The following FSTL5 variants were observed in gnomAD, a reference collection of about 807,000 sequenced individuals.
FSTL5 encodes the protein follistatin like 5.
In FSTL5, 62 loss-of-function variants were observed where a neutral mutation model predicts 89.1. The observed-to-expected ratio is 0.70, with a 90% confidence interval of 0.57 to 0.86. The LOEUF is 0.86. FSTL5 is among the 40% of genes least tolerant of loss of function. FSTL5 has a pLI of 0.00. For missense variants in FSTL5, 1,057 were observed against 1,001.6 expected (o/e 1.06, Z -0.75); for synonymous variants, 383 against 346.2 (o/e 1.11, Z -1.18).
chr4:161,501,578 T>A (rs1305045574), intron 11 of FSTL5, among the ~76,000 whole-genome samples: 1 of 152,056 alleles, frequency 6.6e-6, no homozygotes, highest in Non-Finnish European at 1.5e-5. Context: ...GTTTGATACA[T>A]CTTATTATTT....
chr4:161,999,586 G>C (rs557594046), intron 3 of FSTL5, among the ~76,000 whole-genome samples: 1 of 152,240 alleles, frequency 6.6e-6, no homozygotes, highest in East Asian at 1.9e-4. Flanking sequence ...AGCAAATATA[G>C]TGTCTATAAA....
intron 15 of FSTL5, among the ~76,000 whole-genome samples, chr4:161,401,064 T>C (rs1287933745): frequency 6.6e-6 from 1 of 152,164 alleles, no homozygotes; most frequent in East Asian, 1.9e-4. Flanking sequence ...ATTTAGTGAC[T>C]GAACTTTAGA....
rs75741564 is a variant in FSTL5, at chr4:161,570,444, G to C, written c.1015+17011C>G. On this transcript the variant is annotated intron_variant, in intron 8 of 15. Coordinates refer to ENST00000306100, the MANE Select transcript of FSTL5 (RefSeq NM_020116.5). Reference sequence around the variant, plus strand: ...TACACTTTCTTTTCTGAAAAGGAAAGAGAAATAGGGTAGGAAGATACCACA... The same window carrying C: ...TACACTTTCTTTTCTGAAAAGGAAACAGAAATAGGGTAGGAAGATACCACA... Among the ~76,000 whole-genome samples the C allele has an allele frequency of 4.1e-3, 625 of 152,230 alleles. 5 individuals are homozygous for C. Among genetic ancestry groups the C allele is most frequent in the East Asian group, 0.04 (209 of 5,168 alleles).
chr4:161,645,988 C>T (rs1175411541), intron 7 of FSTL5, among the ~76,000 whole-genome samples: 1 of 151,492 alleles, frequency 6.6e-6, no homozygotes, highest in Non-Finnish European at 1.5e-5. Flanking sequence ...TTTTAAATAT[C>T]TGAGTTTGAT....
intron 6 of FSTL5, among the ~76,000 whole-genome samples, chr4:161,733,976 A>G (rs1490268659): frequency 2.0e-5 from 3 of 151,932 alleles, no homozygotes; most frequent in Non-Finnish European, 4.4e-5. Flanking sequence ...GATATACAGA[A>G]TTTTTTTCTT....
intron 4 of FSTL5, among the ~76,000 whole-genome samples, chr4:161,850,066 T>G (rs2126879835): frequency 6.6e-6 from 1 of 152,306 alleles, no homozygotes; most frequent in African/African-American, 2.4e-5. Context: ...GGTACAGTAT[T>G]TATACCCTTT....
At chr4:161,608,363 A>G (rs1046688629) in intron 7 of FSTL5, among the ~76,000 whole-genome samples, 7 of 152,108 alleles carry the variant, frequency 4.6e-5, no homozygotes, top group Non-Finnish European at 7.4e-5. Flanking sequence ...AATGGTCAAC[A>G]TGTTTTCTTT....
chr4:161,932,762 C>A (rs141346161), intron 3 of FSTL5, among the ~76,000 whole-genome samples: 1 of 151,976 alleles, frequency 6.6e-6, no homozygotes, highest in African/African-American at 2.4e-5. Context: ...AATCTTCACT[C>A]ATTCATAAAA....
intron 15 of FSTL5, among the ~76,000 whole-genome samples, chr4:161,439,733 C>CA (rs397804194): frequency 4.7e-5 from 7 of 148,878 alleles, no homozygotes; most frequent in African/African-American, 1.8e-4. Flanking sequence ...CACACACACA[C>CA]CCCACACGCA....
intron 3 of FSTL5, among the ~76,000 whole-genome samples, chr4:162,020,553 A>T (rs1307566834): frequency 6.6e-6 from 1 of 151,994 alleles, no homozygotes; most frequent in Non-Finnish European, 1.5e-5. Flanking sequence ...CTATTGTTTG[A>T]CTCTCAATTA....
intron 3 of FSTL5, among the ~76,000 whole-genome samples, chr4:161,923,886 G>T (rs576670837): frequency 3.2e-4 from 48 of 151,866 alleles, no homozygotes; most frequent in African/African-American, 1.1e-3. Flanking sequence ...GCTGTGTGTT[G>T]CATGTAGCTG....
intron 3 of FSTL5, among the ~76,000 whole-genome samples, chr4:161,996,656 T>C (rs1435556750): frequency 6.6e-6 from 1 of 152,248 alleles, no homozygotes; most frequent in Non-Finnish European, 1.5e-5. Context: ...TGCCTTCAGT[T>C]GTGTCACATT....
chr4:161,766,558 T>C (rs986366090), intron 5 of FSTL5, among the ~76,000 whole-genome samples: 1 of 152,202 alleles, frequency 6.6e-6, no homozygotes, highest in Admixed American at 6.5e-5. Flanking sequence ...CCCATGATTC[T>C]CCAACCTAAA....
intron 5 of FSTL5, among the ~76,000 whole-genome samples, chr4:161,770,858 GC>G: frequency 6.6e-6 from 1 of 151,976 alleles, no homozygotes; most frequent in Admixed American, 6.6e-5. Flanking sequence ...GGGGGATACA[GC>G]CCAATATTAC....
chr4:161,831,044 T>G (rs1730827993), intron 4 of FSTL5, among the ~76,000 whole-genome samples: 2 of 151,912 alleles, frequency 1.3e-5, no homozygotes, highest in South Asian at 4.1e-4. Context: ...TTCATGTCCT[T>G]CCAGTAAAAA....
intron 3 of FSTL5, among the ~76,000 whole-genome samples, chr4:162,019,113 G>C (rs1736997657): frequency 6.6e-6 from 1 of 152,048 alleles, no homozygotes; most frequent in Non-Finnish European, 1.5e-5. Flanking sequence ...CCCCACATCT[G>C]AAATTTGGTT....
At chr4:162,046,254 TA>T (rs1330415025) in intron 2 of FSTL5, among the ~76,000 whole-genome samples, 2 of 152,272 alleles carry the variant, frequency 1.3e-5, no homozygotes, top group East Asian at 3.9e-4. Flanking sequence ...AAATAGCTAT[TA>T]CTTACAACAC....
At position 162,105,596 on chromosome 4, in the gene FSTL5, A is replaced by G. The variant is rs373620370; in HGVS notation, c.126+5675T>C. Among the ~76,000 whole-genome samples, 43 of 152,322 alleles carry G rather than the reference A, an allele frequency of 2.8e-4. No homozygotes were observed. In the South Asian group the frequency reaches 6.8e-3, roughly 24 times the overall value. ...ATGAGATATAATTTATCAGAAAAAA[A>G]TAAAAAATTTTTCAAACATAATTTA... On this transcript the variant is annotated intron_variant, in intron 2 of 15. Transcript: ENST00000306100.
intron 7 of FSTL5, among the ~76,000 whole-genome samples, chr4:161,617,559 CT>C (rs1419110062): frequency 6.6e-6 from 1 of 151,976 alleles, no homozygotes; most frequent in African/African-American, 2.4e-5. Context: ...AAAATCATAC[CT>C]AGGCAAATCA....
Sources: gnomAD v4.1 joint callset for allele counts (sites outside exome capture counted in the v4.1 genomes callset) on GRCh38, gnomAD v4.1.1 for gene constraint, MANE v1.5 for transcripts, NCBI Gene and HGNC (gene_info 2026-07-23, HGNC 2026-07-21) for gene names.